PTCSC3: variants seen among roughly 807,000 people sequenced by gnomAD.
PTCSC3 encodes papillary thyroid carcinoma susceptibility candidate 3 (non-protein coding).
At chr14:36,159,405 A>C (rs1201849064) in intron 2 of PTCSC3, among the ~76,000 whole-genome samples, 1 of 152,058 alleles carries the variant, frequency 6.6e-6, no homozygotes, top group South Asian at 2.1e-4. Flanking sequence ...TTTCCCTCTT[A>C]ACACTGTTTT....
At chr14:36,164,209 C>T (rs1169148) in intron 1 of PTCSC3, 96,936 of 152,054 alleles carry the variant, frequency 0.64, 31,665 homozygotes, top group Non-Finnish European at 0.71. Flanking sequence ...CAATTTGCTA[C>T]GGACAGTTTC....
intron 3 of PTCSC3, among the ~76,000 whole-genome samples, chr14:36,152,907 A>G (rs986913524): frequency 6.6e-5 from 10 of 151,698 alleles, no homozygotes; most frequent in South Asian, 4.2e-4. Flanking sequence ...AGGAAAAAAA[A>G]AAAGAAAGAA....
chr14:36,173,741 C>G (rs1024663391), intron 1 of PTCSC3, among the ~76,000 whole-genome samples: 1 of 152,026 alleles, frequency 6.6e-6, no homozygotes, highest in Non-Finnish European at 1.5e-5. Flanking sequence ...TTCTCTTTCA[C>G]CTGAAAGACA....
intron 3 of PTCSC3, among the ~76,000 whole-genome samples, chr14:36,148,728 G>C (rs1193053127): frequency 6.6e-6 from 1 of 152,048 alleles, no homozygotes; most frequent in African/African-American, 2.4e-5. Flanking sequence ...CTATTCAGAT[G>C]GTCTATTTCT....
chr14:36,141,425 T>C (rs528837516), intron 3 of PTCSC3, among the ~76,000 whole-genome samples: 36 of 152,216 alleles, frequency 2.4e-4, no homozygotes, highest in African/African-American at 7.9e-4. Context: ...TCTTACAGTT[T>C]TCCTCATATA....
intron 1 of PTCSC3, among the ~76,000 whole-genome samples, chr14:36,165,660 A>G (rs1249087335): frequency 2.0e-5 from 3 of 151,466 alleles, no homozygotes; most frequent in Non-Finnish European, 4.4e-5. Flanking sequence ...ACTCAACTGT[A>G]GTTTCAGCTA....
intron 1 of PTCSC3, among the ~76,000 whole-genome samples, chr14:36,164,593 A>T (rs76809730): frequency 1.5e-4 from 3 of 19,578 alleles, no homozygotes; most frequent in Admixed American, 6.1e-4. Flanking sequence ...ACTATTTTTT[A>T]TTTTTTATAA....
At chr14:36,174,929 T>A (rs958277950) in intron 1 of PTCSC3, among the ~76,000 whole-genome samples, 2 of 152,184 alleles carry the variant, frequency 1.3e-5, no homozygotes, top group South Asian at 4.1e-4. Flanking sequence ...CCACTGCTTT[T>A]CCCCAAGCAC....
At chr14:36,170,240 G>C (rs1425657370) in intron 1 of PTCSC3, among the ~76,000 whole-genome samples, 1 of 151,614 alleles carries the variant, frequency 6.6e-6, no homozygotes, top group Non-Finnish European at 1.5e-5. Context: ...TCCCATGTTC[G>C]CATTATTTCT....
chr14:36,150,414 A>G (rs931786821), intron 3 of PTCSC3, among the ~76,000 whole-genome samples: 1 of 152,198 alleles, frequency 6.6e-6, no homozygotes, highest in African/African-American at 2.4e-5. Flanking sequence ...CGCACCAGAT[A>G]TTGAATCTGT....
intron 3 of PTCSC3, among the ~76,000 whole-genome samples, chr14:36,152,742 A>G (rs1291380982): frequency 1.3e-5 from 2 of 151,918 alleles, no homozygotes; most frequent in African/African-American, 4.8e-5. Context: ...AAAAATAAAA[A>G]AAATAGCTAG....
At chr14:36,150,590 A>G (rs976147804) in intron 3 of PTCSC3, among the ~76,000 whole-genome samples, 1 of 152,184 alleles carries the variant, frequency 6.6e-6, no homozygotes, top group Non-Finnish European at 1.5e-5. Flanking sequence ...ATTGTTTTCT[A>G]TTTGTTTCAC....
intron 1 of PTCSC3, among the ~76,000 whole-genome samples, chr14:36,176,079 T>C (rs1438481485): frequency 1.3e-5 from 2 of 152,160 alleles, no homozygotes; most frequent in Non-Finnish European, 2.9e-5. Flanking sequence ...ACGATACAAA[T>C]ACATACATAT....
intron 3 of PTCSC3, among the ~76,000 whole-genome samples, chr14:36,152,092 T>C (rs1881736280): frequency 6.6e-6 from 1 of 151,796 alleles, no homozygotes; most frequent in Non-Finnish European, 1.5e-5. Context: ...ACTCTTTACA[T>C]GTCAGAGTGG....
chr14:36,146,882 T>C (rs891214343), intron 3 of PTCSC3, among the ~76,000 whole-genome samples: 17 of 152,244 alleles, frequency 1.1e-4, no homozygotes, highest in African/African-American at 4.1e-4. Flanking sequence ...TCTCAGCATT[T>C]GCTTGTCTGT....
At chr14:36,139,137 AAAAG>A (rs1159786404) in intron 3 of PTCSC3, among the ~76,000 whole-genome samples, 2 of 150,062 alleles carry the variant, frequency 1.3e-5, no homozygotes, top group Non-Finnish European at 2.9e-5. Context: ...AAAAAAAAAA[AAAAG>A]AAATGCATAT....
At chr14:36,141,511 C>G (rs1357382747) in intron 3 of PTCSC3, among the ~76,000 whole-genome samples, 1 of 151,906 alleles carries the variant, frequency 6.6e-6, no homozygotes, top group East Asian at 1.9e-4. Flanking sequence ...TGCCACCACG[C>G]CCAGCTAATT....
At chr14:36,151,481 AT>A (rs1566506056) in intron 3 of PTCSC3, among the ~76,000 whole-genome samples, 4 of 152,028 alleles carry the variant, frequency 2.6e-5, no homozygotes, top group African/African-American at 9.7e-5. Context: ...TGCATCTTTC[AT>A]TCTTCTCCTA....
At chr14:36,146,380 C>T (rs1399144751) in intron 3 of PTCSC3, among the ~76,000 whole-genome samples, 1 of 150,516 alleles carries the variant, frequency 6.6e-6, no homozygotes, top group East Asian at 1.9e-4. Flanking sequence ...GGATAGTTAG[C>T]TCTTCTTGTT....
Sources: gnomAD v4.1 joint callset for allele counts (sites outside exome capture counted in the v4.1 genomes callset) on GRCh38, gnomAD v4.1.1 for gene constraint, MANE v1.5 for transcripts, NCBI Gene and HGNC (gene_info 2026-07-23, HGNC 2026-07-21) for gene names.